Variants in THADA observed in about 807,000 individuals in gnomAD.
THADA encodes tRNA (32-2'-O)-methyltransferase regulator THADA.
A neutral mutation model predicts 219.8 loss-of-function variants in THADA; 213 were observed. That is an observed-to-expected ratio of 0.97 (90% CI 0.87 to 1.09). The LOEUF (loss-of-function observed/expected upper bound fraction) is 1.09, where lower values mean the gene tolerates loss of function less well. Among genes scored for constraint, THADA ranks in the 50% least tolerant of loss-of-function variants. The pLI is 0.00. For missense variants in THADA, 2,956 were observed against 2,311.3 expected (o/e 1.28, Z -5.72); for synonymous variants, 1,018 against 828.9 (o/e 1.23, Z -3.92).
At chr2:43,234,657 T>C (rs981946328) in intron 36 of THADA, among the ~76,000 whole-genome samples, 2 of 152,178 alleles carry the variant, frequency 1.3e-5, no homozygotes, top group Admixed American at 6.5e-5. Flanking sequence ...CTTTTTTCCC[T>C]TCAACTTTTA....
At chr2:43,513,604 G>A (rs1313540204) in intron 22 of THADA, among the ~76,000 whole-genome samples, 7 of 152,150 alleles carry the variant, frequency 4.6e-5, no homozygotes, top group African/African-American at 9.7e-5. Context: ...CTAGATCTAT[G>A]ATATCCCCAA....
At chr2:43,440,427 T>G (rs1048088169) in intron 26 of THADA, among the ~76,000 whole-genome samples, 4 of 152,196 alleles carry the variant, frequency 2.6e-5, no homozygotes, top group African/African-American at 9.7e-5. Flanking sequence ...CAAACTTGGG[T>G]TTTACAGGAT....
chr2:43,279,838 C>T lies in THADA; in HGVS notation c.5223G>A (p.Glu1741=). 6.4e-7 allele frequency: 1 copy of T among 1,565,840 alleles called. No individual in the cohort carries two copies. Among genetic ancestry groups the T allele is most frequent in the South Asian group, 1.2e-5 (1 of 83,960 alleles). ...KCVLTLLQSE[E]QAVRDAATET... is the part of the protein sequence containing the mutation. ...CCGTGGCTGCATCTCTAACAGCTTG[C>T]TCCTCACTCTGCAGAAGGGTAAGGA... is the stretch of plus-strand genomic sequence containing the variant. The change falls in exon 36 of 38, where the codon GAG becomes GAA. Residue 1741 remains glutamate (E), a synonymous_variant. Transcript: ENST00000405975.
At chr2:43,236,594 C>T (rs1043162942) in intron 36 of THADA, among the ~76,000 whole-genome samples, 6 of 152,166 alleles carry the variant, frequency 3.9e-5, no homozygotes, top group Non-Finnish European at 7.4e-5. Flanking sequence ...CAGTGGCTCA[C>T]ACCTGTAATC....
rs1674109469 is a variant in THADA at position 43,287,012 on chromosome 2, A to C, written c.5060T>G (p.Ile1687Ser). 2 of 1,613,840 alleles carry C rather than the reference A, an allele frequency of 1.2e-6. No homozygotes were observed. Among genetic ancestry groups the C allele is most frequent in the African/African-American group, 2.7e-5 (2 of 74,924 alleles). ...AGGAAGATGGTCTTCACATGACAAG[A>C]TGACCAGCTGAACCCACTGCTTCAG... ...AELKQWVQLV[I>S]LSCEDHLPTE... The change falls in exon 35 of 38, where the codon ATC becomes AGC. Residue 1687 changes from isoleucine to serine, a missense_variant. Transcript: ENST00000405975.
At chr2:43,508,582 A>C (rs1451131000) in intron 23 of THADA, 66 bp downstream of exon 23, 11 of 1,494,642 alleles carry the variant, frequency 7.4e-6, no homozygotes, top group Non-Finnish European at 9.9e-6. Flanking sequence ...CACGTCAAAC[A>C]GGTTAGGATA....
chr2:43,328,710 C>T (rs1679619392), intron 30 of THADA, among the ~76,000 whole-genome samples: 1 of 152,246 alleles, frequency 6.6e-6, no homozygotes, highest in Non-Finnish European at 1.5e-5. Flanking sequence ...GCCTTACCCA[C>T]TCCTACCAGG....
chr2:43,287,904 A>T (rs1042799945), intron 34 of THADA, among the ~76,000 whole-genome samples: 2 of 152,174 alleles, frequency 1.3e-5, no homozygotes, highest in Non-Finnish European at 2.9e-5. Context: ...AATGCCCATG[A>T]TCTTTATTTC....
chr2:43,350,797 C>CT (rs1026118920), intron 29 of THADA, among the ~76,000 whole-genome samples: 21 of 152,202 alleles, frequency 1.4e-4, no homozygotes, highest in Non-Finnish European at 2.2e-4. Flanking sequence ...AAACTTCAAC[C>CT]TGTTTATTGG....
intron 28 of THADA, 149 bp from the exon 29 acceptor site, chr2:43,398,288 T>A: frequency 1.3e-6 from 1 of 742,312 alleles, no homozygotes; most frequent in South Asian, 2.3e-5. Flanking sequence ...ATGTTTTGTA[T>A]CTGCACTAGT....
chr2:43,325,482 T>C lies in THADA; in HGVS notation c.4344-4942A>G, dbSNP rs563609428. On this transcript the variant is annotated intron_variant, in intron 30 of 37. Coordinates refer to ENST00000405975, the MANE Select transcript of THADA (RefSeq NM_022065.5). ...TGAATAGTGTTTTTCCAAATGTATG[T>C]TAGGTTATGAAATCAACTAGTGGGT... Among the ~76,000 whole-genome samples the C allele has an allele frequency of 5.3e-5, 8 of 151,990 alleles. No homozygotes were observed. In the East Asian group the frequency reaches 1.5e-3, roughly 29 times the overall value.
intron 30 of THADA, among the ~76,000 whole-genome samples, chr2:43,342,054 A>T (rs1667119039): frequency 6.6e-6 from 1 of 151,824 alleles, no homozygotes; most frequent in African/African-American, 2.4e-5. Flanking sequence ...CCACCAAAAA[A>T]CCCCACAAAA....
At chr2:43,390,061 A>G (rs1240112806) in intron 29 of THADA, among the ~76,000 whole-genome samples, 2 of 152,196 alleles carry the variant, frequency 1.3e-5, no homozygotes, top group Non-Finnish European at 2.9e-5. Flanking sequence ...CATTCTCCAC[A>G]TTTACTCTAC....
At chr2:43,534,925 T>G (rs1483850787) in intron 21 of THADA, among the ~76,000 whole-genome samples, 1 of 152,124 alleles carries the variant, frequency 6.6e-6, no homozygotes, top group African/African-American at 2.4e-5. Flanking sequence ...CTCCACACTG[T>G]TCTCCACAGT....
At chr2:43,513,594 C>A (rs1056542242) in intron 22 of THADA, among the ~76,000 whole-genome samples, 2 of 152,170 alleles carry the variant, frequency 1.3e-5, no homozygotes, top group Admixed American at 1.3e-4. Context: ...AACTCAGTGA[C>A]TAGATCTATG....
intron 26 of THADA, among the ~76,000 whole-genome samples, chr2:43,476,979 G>A (rs1041776072): frequency 6.6e-6 from 1 of 152,142 alleles, no homozygotes; most frequent in African/African-American, 2.4e-5. Context: ...AGATTCAAAT[G>A]TATTGACTAC....
intron 22 of THADA, among the ~76,000 whole-genome samples, chr2:43,516,767 G>GA (rs1420236662): frequency 6.6e-6 from 1 of 152,052 alleles, no homozygotes; most frequent in Non-Finnish European, 1.5e-5. Context: ...GGCTCATGAT[G>GA]AAAATACTAT....
intron 29 of THADA, among the ~76,000 whole-genome samples, chr2:43,348,249 CT>C (rs1381272668): frequency 6.6e-6 from 1 of 152,214 alleles, no homozygotes; most frequent in Non-Finnish European, 1.5e-5. Context: ...CTGGCCGGAG[CT>C]GAGCAGCAGG....
rs202233335 is a variant in THADA at position 43,242,494 on chromosome 2, C to CT, written c.5297-9613dup. On this transcript the variant is annotated intron_variant, in intron 36 of 37. Coordinates refer to ENST00000405975, the MANE Select transcript of THADA (RefSeq NM_022065.5). ...CACTCCAGCACCTATATTCTTTTTT[C>CT]TTTTTTTTTTCTGTGCAGACAAGGT... Among the ~76,000 whole-genome samples the CT allele has an allele frequency of 2.6e-3, 388 of 149,928 alleles. 1 individual carries two copies. The highest frequency in any genetic ancestry group is 9.0e-3 in the African/African-American group (368 of 40,950).
Sources: gnomAD v4.1 joint callset for allele counts (sites outside exome capture counted in the v4.1 genomes callset) on GRCh38, gnomAD v4.1.1 for gene constraint, MANE v1.5 for transcripts, NCBI Gene and HGNC (gene_info 2026-07-23, HGNC 2026-07-21) for gene names.